FOXP2: variants seen among roughly 807,000 people sequenced by gnomAD.
The protein encoded by FOXP2 is forkhead box P2.
Under a neutral mutation model 115.8 loss-of-function variants are expected in FOXP2, and 12 were observed. The observed-to-expected ratio is 0.10, with a 90% CI of 0.07 to 0.17. FOXP2 has a LOEUF of 0.17. Among genes scored for constraint, FOXP2 ranks in the 10% least tolerant of loss-of-function variants. The probability of loss-of-function intolerance (pLI) is 1.00; values close to 1 mark genes in which losing one functional copy is unlikely to be tolerated. For synonymous variants in FOXP2, 328 were observed against 297.7 expected, an observed-to-expected ratio of 1.10 and a Z score of -1.05; for missense variants, 629 against 843.5, an observed-to-expected ratio of 0.75 and a Z score of 3.15.
intron 1 of FOXP2, among the ~76,000 whole-genome samples, chr7:114,209,920 T>C (rs1017660398): frequency 5.9e-5 from 9 of 152,230 alleles, no homozygotes; most frequent in Non-Finnish European, 8.8e-5. Flanking sequence ...CTGTCTGTTC[T>C]GCTGTTGATA....
intron 1 of FOXP2, among the ~76,000 whole-genome samples, chr7:114,275,045 T>A (rs1370927883): frequency 6.6e-6 from 1 of 152,072 alleles, no homozygotes; most frequent in African/African-American, 2.4e-5. Flanking sequence ...TTTTTCTGTA[T>A]AAGTAAGGTG....
intron 1 of FOXP2, among the ~76,000 whole-genome samples, chr7:114,249,369 C>CT (rs1461522887): frequency 3.9e-5 from 6 of 152,076 alleles, no homozygotes; most frequent in African/African-American, 1.4e-4. Context: ...CCTTCCCCCC[C>CT]GTTCCCCCCA....
Position 114,343,994 on chromosome 7 carries a change from T to C in FOXP2, c.-11+55885T>C, listed in dbSNP as rs114769861. On this transcript the variant is annotated intron_variant, in intron 2 of 17. Coordinates refer to the FOXP2 transcript ENST00000634411. Reference sequence around the variant, plus strand: ...AGGGATTTTTGCACATTAATTTTTTTCTGACTATCTCCCTCCTCTAGAATA... The same window carrying C: ...AGGGATTTTTGCACATTAATTTTTTCCTGACTATCTCCCTCCTCTAGAATA... 7.7e-3 allele frequency among the ~76,000 whole-genome samples: 768 copies of C among 100,320 alleles called. 4 individuals carry two copies. Among genetic ancestry groups the C allele is most frequent in the African/African-American group, 0.021 (723 of 34,024 alleles). 65.8% of individuals were successfully genotyped at this position (100,320 alleles called of 152,430 possible).
intron 2 of FOXP2, among the ~76,000 whole-genome samples, chr7:114,483,949 G>A (rs901743454): frequency 2.0e-5 from 3 of 151,702 alleles, no homozygotes; most frequent in East Asian, 1.9e-4. Context: ...AGTACTATAA[G>A]ACATGAGAGC....
intron 1 of FOXP2, among the ~76,000 whole-genome samples, chr7:114,225,915 A>AT (rs1365402820): frequency 2.0e-5 from 3 of 152,094 alleles, no homozygotes; most frequent in Non-Finnish European, 4.4e-5. Context: ...ATATTCCATT[A>AT]TTTTTCCCAC....
chr7:114,666,994 C>CTAT (rs1585010016), intron 16 of FOXP2: 1 of 152,084 alleles, frequency 6.6e-6, no homozygotes, highest in East Asian at 1.9e-4. Flanking sequence ...AAAAATGAGT[C>CTAT]TATAAACAAT....
At position 114,610,960 on chromosome 7, in the gene FOXP2, C is replaced by G. The variant is rs1370961144; in HGVS notation, c.259-17580C>G. On this transcript the variant is annotated intron_variant, in intron 3 of 16. Transcript: ENST00000350908. ...TAAGAGTTCTTTTTTCATTCTTATA[C>G]TATTATCCCTATTTCAGTGTTGAGG... 2.6e-5 allele frequency among the ~76,000 whole-genome samples: 4 copies of G among 151,976 alleles called. No individual in the cohort carries two copies. In the East Asian group the frequency reaches 5.8e-4, roughly 22 times the overall value.
At chr7:114,676,992 C>T (rs1337407342) in intron 16 of FOXP2, among the ~76,000 whole-genome samples, 5 of 151,406 alleles carry the variant, frequency 3.3e-5, no homozygotes, top group African/African-American at 1.2e-4. Context: ...TGATGAAATC[C>T]CATCTCTACT....
At chr7:114,356,108 C>T (rs117705237) in intron 2 of FOXP2, among the ~76,000 whole-genome samples, 3,194 of 152,166 alleles carry the variant, frequency 0.021, 53 homozygotes, top group South Asian at 0.072. Context: ...GGCTTTCCCC[C>T]GTAGAAAGGC....
At chr7:114,162,929 A>G (rs1468448200), upstream of FOXP2, 1 of 152,166 alleles carries the variant, frequency 6.6e-6, no homozygotes, top group Non-Finnish European at 1.5e-5. Flanking sequence ...GATTAAAAGT[A>G]TAATTTCCCT....
rs1236766856 is a variant in FOXP2 at position 114,267,765 on chromosome 7, AAATAAATAAATAAATAAAAT to A, written c.-101-20251_-101-20232del. ...TAAATAAATAAATAAATAAATAAAT[AAATAAATAAATAAATAAAAT>A]AAATATATATGTATATATAAAACAT... On this transcript the variant is annotated intron_variant, in intron 1 of 17. Transcript: ENST00000634411. Among the ~76,000 whole-genome samples the A allele has an allele frequency of 1.3e-3, 184 of 145,356 alleles. 2 individuals carry two copies. Among genetic ancestry groups the A allele is most frequent in the African/African-American group, 4.5e-3 (172 of 38,452 alleles).
chr7:114,571,380 C>A (rs1801293068), intron 3 of FOXP2, among the ~76,000 whole-genome samples: 1 of 151,886 alleles, frequency 6.6e-6, no homozygotes, highest in African/African-American at 2.4e-5. Context: ...TGGCCCAATT[C>A]ACATAGCAGT....
upstream of FOXP2, among the ~76,000 whole-genome samples, chr7:114,412,376 G>T (rs1355825677): frequency 6.6e-6 from 1 of 152,094 alleles, no homozygotes; most frequent in Non-Finnish European, 1.5e-5. Context: ...TAATAACCTG[G>T]AGTTATTTCC....
At chr7:114,263,138 T>A (rs998987226) in intron 1 of FOXP2, among the ~76,000 whole-genome samples, 4 of 152,170 alleles carry the variant, frequency 2.6e-5, no homozygotes, top group African/African-American at 4.8e-5. Context: ...CCTTTTGTCC[T>A]TAATATTTTC....
At chr7:114,469,445 T>C (rs138307447) in intron 2 of FOXP2, among the ~76,000 whole-genome samples, 1 of 152,336 alleles carries the variant, frequency 6.6e-6, no homozygotes, top group African/African-American at 2.4e-5. Flanking sequence ...ACCTCAAAGC[T>C]GATTGCTAGT....
intron 2 of FOXP2, among the ~76,000 whole-genome samples, chr7:114,347,303 C>T (rs1000903018): frequency 6.6e-6 from 1 of 151,812 alleles, no homozygotes; most frequent in Admixed American, 6.6e-5. Context: ...ATCCATATGT[C>T]TATACAATAC....
At chr7:114,201,237 A>G (rs2129159595) in intron 1 of FOXP2, among the ~76,000 whole-genome samples, 1 of 152,280 alleles carries the variant, frequency 6.6e-6, no homozygotes, top group East Asian at 1.9e-4. Flanking sequence ...TTGGAAAGCC[A>G]ACATAAGAGG....
At chr7:114,525,607 C>T (rs1287151973) in intron 2 of FOXP2, among the ~76,000 whole-genome samples, 1 of 152,150 alleles carries the variant, frequency 6.6e-6, no homozygotes, top group Non-Finnish European at 1.5e-5. Flanking sequence ...CTCTCTCATT[C>T]TCAAAAGATA....
At chr7:114,484,171 G>A (rs889289208) in intron 2 of FOXP2, among the ~76,000 whole-genome samples, 1 of 151,750 alleles carries the variant, frequency 6.6e-6, no homozygotes, top group Non-Finnish European at 1.5e-5. Flanking sequence ...AAAGGTTGCC[G>A]ATTTGTATCT....
Sources: allele counts gnomAD v4.1 joint callset (sites outside exome capture counted in the v4.1 genomes callset), GRCh38; gene constraint gnomAD v4.1.1; transcripts MANE v1.5; gene names NCBI Gene and HGNC (gene_info 2026-07-23, HGNC 2026-07-21).